Variants in LRMDA observed in about 807,000 individuals in gnomAD.
The protein encoded by LRMDA is leucine rich melanocyte differentiation associated, also known as leucine-rich melanocyte differentiation-associated protein.
Under a neutral mutation model 29.8 loss-of-function variants are expected in LRMDA, and 18 were observed. That is an observed-to-expected ratio of 0.60 (90% confidence interval 0.42 to 0.90). LRMDA has a LOEUF of 0.90. Ranked by LOEUF, LRMDA falls within the 40% of genes least tolerant of loss-of-function variation. The pLI is 0.00. For synonymous variants in LRMDA, 125 were observed against 109.4 expected (o/e 1.14, Z -0.89); for missense variants, 273 against 273.9 (o/e 1.00, Z 0.02).
At chr10:76,372,645 A>ATAAAAAATAAAATAAAATAAAT (rs1185644497) in intron 6 of LRMDA, among the ~76,000 whole-genome samples, 1 of 151,994 alleles carries the variant, frequency 6.6e-6, no homozygotes, top group African/African-American at 2.4e-5. Context: ...ATAAAATAAA[A>ATAAAAAATAAAATAAAATAAAT]TAAAAAGAAA....
Position 75,475,810 on chromosome 10 carries a change from G to A in LRMDA, c.131+37316G>A, listed in dbSNP as rs1218887105. 3.9e-5 allele frequency among the ~76,000 whole-genome samples: 6 copies of A among 152,278 alleles called. No homozygotes were observed. In the South Asian group the frequency reaches 1.0e-3, roughly 26 times the overall value. On this transcript the variant is annotated intron_variant, in intron 2 of 6. Coordinates refer to ENST00000611255, the MANE Select transcript of LRMDA (RefSeq NM_001305581.2). Reference sequence around the variant, plus strand: ...GAGGTGTCACTGAAGTTTGTGCTGAGTAAATGATGGAGCATGAAATAAAAT... The same window carrying A: ...GAGGTGTCACTGAAGTTTGTGCTGAATAAATGATGGAGCATGAAATAAAAT...
chr10:75,435,594 G>C (rs1053634251), intron 1 of LRMDA, among the ~76,000 whole-genome samples: 2 of 152,194 alleles, frequency 1.3e-5, no homozygotes, highest in African/African-American at 4.8e-5. Flanking sequence ...TCACATTTGA[G>C]AACAGTGAGA....
At chr10:75,629,047 A>G (rs767931971) in intron 2 of LRMDA, among the ~76,000 whole-genome samples, 1 of 152,162 alleles carries the variant, frequency 6.6e-6, no homozygotes, top group Non-Finnish European at 1.5e-5. Context: ...ACGTACACTT[A>G]CAGTAACCCA....
intron 2 of LRMDA, among the ~76,000 whole-genome samples, chr10:75,948,900 G>A (rs78745193): frequency 1.3e-5 from 2 of 152,046 alleles, no homozygotes; most frequent in East Asian, 3.9e-4. Context: ...ATTGCTGATG[G>A]TTAACAGAAC....
chr10:75,523,059 T>A (rs575730842), intron 2 of LRMDA, among the ~76,000 whole-genome samples: 1 of 152,356 alleles, frequency 6.6e-6, no homozygotes, highest in South Asian at 2.1e-4. Flanking sequence ...TTTCCCCTCT[T>A]TGAACTTCAG....
chr10:75,438,916 C>T (rs1267487821), intron 2 of LRMDA, among the ~76,000 whole-genome samples: 1 of 152,144 alleles, frequency 6.6e-6, no homozygotes, highest in African/African-American at 2.4e-5. Flanking sequence ...TTCGTCGAGT[C>T]ACAGGTAGGG....
chr10:76,251,924 C>T (rs1262685178), intron 5 of LRMDA, among the ~76,000 whole-genome samples: 1 of 152,188 alleles, frequency 6.6e-6, no homozygotes, highest in Non-Finnish European at 1.5e-5. Flanking sequence ...GGTTCCCCGG[C>T]ACTAGAAATC....
chr10:76,097,470 T>C (rs1352898972), intron 5 of LRMDA, among the ~76,000 whole-genome samples: 2 of 152,236 alleles, frequency 1.3e-5, no homozygotes, highest in Admixed American at 6.5e-5. Flanking sequence ...ACAGGCATAA[T>C]GCATGCAGAT....
intron 6 of LRMDA, among the ~76,000 whole-genome samples, chr10:76,539,994 A>G (rs1589230160): frequency 6.6e-6 from 1 of 152,234 alleles, no homozygotes; most frequent in East Asian, 1.9e-4. Flanking sequence ...TCACACACAC[A>G]CACACACACA....
intron 2 of LRMDA, among the ~76,000 whole-genome samples, chr10:75,987,471 A>G (rs1265747061): frequency 2.6e-5 from 4 of 152,226 alleles, no homozygotes; most frequent in Admixed American, 2.0e-4. Context: ...TCCCTATAGC[A>G]TGAATGCCCC....
chr10:75,518,161 C>CT (rs1200211467), intron 2 of LRMDA, among the ~76,000 whole-genome samples: 1 of 152,112 alleles, frequency 6.6e-6, no homozygotes, highest in Non-Finnish European at 1.5e-5. Flanking sequence ...CTAAAATTCT[C>CT]TTTTTTGTGT....
At chr10:76,324,768 A>G (rs886496519) in intron 6 of LRMDA, among the ~76,000 whole-genome samples, 3 of 152,138 alleles carry the variant, frequency 2.0e-5, no homozygotes, top group African/African-American at 7.2e-5. Flanking sequence ...ATTATCAAGG[A>G]GATGTTAACT....
chr10:75,498,072 G>GT (rs1845068330), intron 2 of LRMDA, among the ~76,000 whole-genome samples: 1 of 152,168 alleles, frequency 6.6e-6, no homozygotes, highest in African/African-American at 2.4e-5. Context: ...AACATTTGGT[G>GT]TTGTCAGTCT....
At chr10:75,695,359 T>C (rs1016379650) in intron 2 of LRMDA, among the ~76,000 whole-genome samples, 3 of 152,170 alleles carry the variant, frequency 2.0e-5, no homozygotes, top group African/African-American at 7.2e-5. Flanking sequence ...CTTTTCTTTC[T>C]CTTATGTCTT....
intron 2 of LRMDA, among the ~76,000 whole-genome samples, chr10:75,613,675 A>G (rs1564522609): frequency 6.6e-6 from 1 of 152,202 alleles, no homozygotes; most frequent in Admixed American, 6.5e-5. Context: ...TGGGTCACCA[A>G]ACAATTTCTC....
intron 5 of LRMDA, among the ~76,000 whole-genome samples, chr10:76,168,648 A>G (rs1036628633): frequency 6.6e-6 from 1 of 152,046 alleles, no homozygotes; most frequent in African/African-American, 2.4e-5. Flanking sequence ...TGAGTAGATG[A>G]AACTGTATGA....
intron 2 of LRMDA, among the ~76,000 whole-genome samples, chr10:75,501,261 T>G (rs1466661608): frequency 1.3e-5 from 2 of 152,242 alleles, no homozygotes. Context: ...TTCTTTGGTA[T>G]TTTTAATTGG....
At chr10:76,036,275 G>A (rs960781395) in intron 3 of LRMDA, 141 bp downstream of exon 3, 2 of 875,900 alleles carry the variant, frequency 2.3e-6, no homozygotes, top group South Asian at 3.6e-5. Flanking sequence ...TACAGTTCGT[G>A]GGCAGACAAA....
chr10:76,385,909 A>C (rs1194873721), intron 6 of LRMDA, among the ~76,000 whole-genome samples: 1 of 152,218 alleles, frequency 6.6e-6, no homozygotes, highest in Non-Finnish European at 1.5e-5. Context: ...AATGCTCAAT[A>C]AATATTTGCT....
Sources: allele counts gnomAD v4.1 joint callset (sites outside exome capture counted in the v4.1 genomes callset), GRCh38; gene constraint gnomAD v4.1.1; transcripts MANE v1.5; gene names NCBI Gene and HGNC (gene_info 2026-07-23, HGNC 2026-07-21).